CDH19: variants seen among roughly 807,000 people sequenced by gnomAD.
The protein encoded by CDH19 is cadherin-19.
In CDH19, 67 loss-of-function variants were observed where a neutral mutation model predicts 64.2. The ratio of observed to expected loss-of-function variants is 1.04; its 90% confidence interval spans 0.86 to 1.28. CDH19 has a LOEUF of 1.28. Among genes scored for constraint, CDH19 ranks in the 50% most tolerant of loss-of-function variants. CDH19 has a pLI of 0.00. For synonymous variants in CDH19, 346 were observed against 319.3 expected, an observed-to-expected ratio of 1.08 and a Z score of -0.89; for missense variants, 1,030 against 929.0, an observed-to-expected ratio of 1.11 and a Z score of -1.41.
At chr18:66,508,053 C>T (rs1260532927) in intron 11 of CDH19, among the ~76,000 whole-genome samples, 1 of 151,786 alleles carries the variant, frequency 6.6e-6, no homozygotes, top group Non-Finnish European at 1.5e-5. Context: ...AGAACGAATG[C>T]TATTTAGCTT....
At chr18:66,580,910 T>C (rs1431337998) in intron 1 of CDH19, among the ~76,000 whole-genome samples, 3 of 152,030 alleles carry the variant, frequency 2.0e-5, no homozygotes, top group Non-Finnish European at 4.4e-5. Flanking sequence ...CACATAATGC[T>C]CCACTTCTGA....
chr18:66,601,196 G>A (rs1164978392), intron 1 of CDH19, among the ~76,000 whole-genome samples: 2 of 151,628 alleles, frequency 1.3e-5, no homozygotes, highest in East Asian at 1.9e-4. Context: ...TTCTCCACCA[G>A]GCCTTTTTAG....
intron 9 of CDH19, among the ~76,000 whole-genome samples, chr18:66,523,414 C>A (rs1323122480): frequency 1.3e-5 from 2 of 152,134 alleles, no homozygotes; most frequent in Non-Finnish European, 2.9e-5. Flanking sequence ...CCAGCTTCAG[C>A]CCTCCTTGGA....
chr18:66,522,154 T>C (rs1189789202), intron 9 of CDH19, among the ~76,000 whole-genome samples: 1 of 151,404 alleles, frequency 6.6e-6, no homozygotes, highest in Non-Finnish European at 1.5e-5. Flanking sequence ...TTCACCGTGT[T>C]AGCCAGAATG....
intron 1 of CDH19, among the ~76,000 whole-genome samples, chr18:66,580,909 C>CTCCACTTCTGATTGAAGACTGGTGG (rs1298681872): frequency 2.0e-5 from 3 of 151,786 alleles, no homozygotes; most frequent in Non-Finnish European, 4.4e-5. Context: ...TCACATAATG[C>CTCCACTTCTGATTGAAGACTGGTGG]TCCACTTCTG....
At chr18:66,569,165 T>A (rs1988020237) in intron 2 of CDH19, among the ~76,000 whole-genome samples, 2 of 151,642 alleles carry the variant, frequency 1.3e-5, no homozygotes, top group Admixed American at 6.6e-5. Flanking sequence ...AATATTAGGA[T>A]GAAAATTAGG....
At chr18:66,573,921 AC>A (rs1267083990) in intron 1 of CDH19, among the ~76,000 whole-genome samples, 32 of 145,270 alleles carry the variant, frequency 2.2e-4, no homozygotes, top group African/African-American at 8.4e-4. Flanking sequence ...ACACACACAC[AC>A]AAGTATACAT....
chr18:66,554,653 C>T, intron 3 of CDH19, 129 bp from the exon 4 acceptor site: 3 of 606,864 alleles, frequency 4.9e-6, no homozygotes, highest in Admixed American at 3.6e-5. Flanking sequence ...CCTCCTTGTT[C>T]TTAATTGTAA....
At chr18:66,577,876 G>T (rs117421166) in intron 1 of CDH19, among the ~76,000 whole-genome samples, 207 of 151,950 alleles carry the variant, frequency 1.4e-3, no homozygotes, top group Non-Finnish European at 2.4e-3. Context: ...ACATTTTCCA[G>T]CTTCTCAAAG....
intron 7 of CDH19, among the ~76,000 whole-genome samples, chr18:66,542,113 T>G (rs1016574229): frequency 3.9e-5 from 6 of 152,158 alleles, no homozygotes; most frequent in Admixed American, 3.9e-4. Context: ...ACATTCCATA[T>G]TATTTAGTGT....
chr18:66,565,883 G>T (rs1346191981), intron 3 of CDH19, among the ~76,000 whole-genome samples: 1 of 151,886 alleles, frequency 6.6e-6, no homozygotes, highest in Non-Finnish European at 1.5e-5. Context: ...TTCATACAAA[G>T]CCTGGACCCT....
At chr18:66,549,041 G>A (rs1042581113) in intron 5 of CDH19, among the ~76,000 whole-genome samples, 11 of 151,930 alleles carry the variant, frequency 7.2e-5, no homozygotes, top group African/African-American at 2.4e-4. Context: ...TGAGAGGAGG[G>A]TAATGGGATT....
At chr18:66,544,321 C>T (rs1987018425) in intron 6 of CDH19, 97 bp from the exon 7 acceptor site, 1 of 1,152,164 alleles carries the variant, frequency 8.7e-7, no homozygotes, top group African/African-American at 1.6e-5. Flanking sequence ...GTCTCAGTGG[C>T]CTTTCAGTTA....
chr18:66,589,149 A>C (rs1453078978), intron 1 of CDH19, among the ~76,000 whole-genome samples: 1 of 151,696 alleles, frequency 6.6e-6, no homozygotes, highest in South Asian at 2.1e-4. Context: ...TTTTCCTAAA[A>C]CATTGTTCAG....
intron 3 of CDH19, among the ~76,000 whole-genome samples, chr18:66,562,070 C>T (rs1018384069): frequency 2.0e-5 from 3 of 151,770 alleles, no homozygotes; most frequent in African/African-American, 7.3e-5. Flanking sequence ...GTCAGTGGTC[C>T]TTAACTTCTT....
intron 8 of CDH19, 39 bp from the exon 9 acceptor site, chr18:66,530,005 T>A: frequency 1.4e-5 from 14 of 1,034,838 alleles, no homozygotes; most frequent in Non-Finnish European, 1.9e-5. Flanking sequence ...CTAACATATT[T>A]TAATATGTCT....
chr18:66,546,128 GCA>G (rs1987107880), intron 5 of CDH19, among the ~76,000 whole-genome samples: 1 of 152,038 alleles, frequency 6.6e-6, no homozygotes, highest in Non-Finnish European at 1.5e-5. Flanking sequence ...CTAAAAAGAA[GCA>G]CATATAATAA....
chr18:66,594,168 C>A (rs372595493), intron 1 of CDH19, among the ~76,000 whole-genome samples: 69 of 151,934 alleles, frequency 4.5e-4, no homozygotes, highest in African/African-American at 1.7e-3. Context: ...CGACAAAAAT[C>A]GGCATTACAT....
chr18:66,512,141 A>C (rs2144350588), intron 9 of CDH19, among the ~76,000 whole-genome samples: 1 of 151,786 alleles, frequency 6.6e-6, no homozygotes, highest in South Asian at 2.1e-4. Flanking sequence ...TTGCTGAAGT[A>C]ATGAGATTTG....
Sources: allele counts gnomAD v4.1 joint callset (sites outside exome capture counted in the v4.1 genomes callset), GRCh38; gene constraint gnomAD v4.1.1; transcripts MANE v1.5; gene names NCBI Gene and HGNC (gene_info 2026-07-23, HGNC 2026-07-21).